Variants in DSP observed in about 807,000 individuals in gnomAD.
DSP encodes desmoplakin.
A neutral mutation model predicts 290.6 loss-of-function variants in DSP; 114 were observed. The ratio of observed to expected loss-of-function variants is 0.39; its 90% CI spans 0.34 to 0.46. The LOEUF is 0.46. Ranked by LOEUF, DSP falls within the 20% of genes least tolerant of loss-of-function variation. DSP has a pLI of 0.99. For synonymous variants in DSP, 1,311 were observed against 1,316.4 expected (o/e 1.00, Z 0.09); for missense variants, 3,230 against 3,495.8 (o/e 0.92, Z 1.92).
chr6:7,578,531 G>A lies in DSP; in HGVS notation c.3053G>A (p.Ser1018Asn). The stretch of plus-strand genomic sequence containing the variant: ...TCTGGAGACTATTACAGGTTCTTAA[G>A]TGAGATGCTGAAGAGTTTGGAAGAT... ...TRSGDYYRFLSEMLKSLEDLK... is the reference protein window; with the variant it reads ...TRSGDYYRFLNEMLKSLEDLK... Residue 1018 changes from serine (S) to asparagine (N), a missense_variant, in exon 22 of 24, where the codon AGT becomes AAT. Coordinates refer to ENST00000379802, the MANE Select transcript of DSP (RefSeq NM_004415.4). 1 of 1,613,766 alleles carries A rather than the reference G, an allele frequency of 6.2e-7. No homozygotes were observed. Among genetic ancestry groups the A allele is most frequent in the Non-Finnish European group, 8.5e-7 (1 of 1,179,864 alleles).
At position 7,586,044 on chromosome 6, in the gene DSP, C is replaced by T. The variant is rs894449424; in HGVS notation, c.*166C>T. The T allele has an allele frequency of 1.7e-5, 12 of 718,046 alleles. No individual in the cohort carries two copies. Among genetic ancestry groups the T allele is most frequent in the Non-Finnish European group, 2.3e-5 (10 of 437,750 alleles). 44.5% of individuals were successfully genotyped at this position (718,046 alleles called of 1,614,324 possible). On this transcript the variant is annotated 3_prime_UTR_variant, in exon 24 of 24. Transcript: ENST00000379802. ...AATCAAATAGTAAAGGCTGTTCTGG[C>T]TTTTTATCTTCTTAGCTCATCTTAA... is the stretch of plus-strand genomic sequence containing the variant.
At chr6:7,573,342 G>A (rs1409799391) in intron 15 of DSP, among the ~76,000 whole-genome samples, 1 of 152,146 alleles carries the variant, frequency 6.6e-6, no homozygotes, top group African/African-American at 2.4e-5. Flanking sequence ...ACTTTGGGAG[G>A]CCGAGGCGGG....
chr6:7,546,707 C>T (rs1027982030), intron 1 of DSP, among the ~76,000 whole-genome samples: 1 of 152,158 alleles, frequency 6.6e-6, no homozygotes, highest in Admixed American at 6.5e-5. Context: ...TGTTGAATTC[C>T]TCAGTCTGCG....
At position 7,583,029 on chromosome 6, in the gene DSP, G is replaced by C. The variant is rs397516948; in HGVS notation, c.5767G>C (p.Glu1923Gln). The part of the protein sequence containing the change: ...CRRKLEDSTR[E>Q]TQSQLETERS... ...GCGTAAGCTGGAGGATTCTACCAGG[G>C]AGACACAGTCACAGTTAGAAACAGA... Residue 1923 changes from glutamate (E) to glutamine (Q), a missense_variant, in exon 24 of 24, where the codon GAG (glutamate) becomes CAG (glutamine). Transcript: ENST00000379802. The surrounding 1 kb of genome is among the most constrained non-coding windows in gnomAD (Gnocchi z 4.0). 6.2e-7 allele frequency: 1 copy of C among 1,614,066 alleles called. No individual in the cohort carries two copies.
At position 7,577,840 on chromosome 6, in the gene DSP, T is replaced by A. The variant is rs1759288696; in HGVS notation, c.2939T>A (p.Ile980Asn). The A allele has an allele frequency of 6.2e-7, 1 of 1,614,094 alleles. No homozygotes were observed. Among genetic ancestry groups the A allele is most frequent in the Non-Finnish European group, 8.5e-7 (1 of 1,180,042 alleles). Residue 980 changes from isoleucine to asparagine, a missense_variant, in exon 21 of 24, where the codon ATC becomes AAC. By Grantham distance (149) the Ile-to-Asn change is moderately radical. Transcript: ENST00000379802. ...SGLETLLNIP[I>N]KRTMIQSPSG... ...CTGGAAACTCTGCTGAACATACCTA[T>A]CAAGAGGACCATGATTCAGTCCCCT...
At chr6:7,574,822 C>T in intron 17 of DSP, 27 bp downstream of exon 17, 1 of 1,614,040 alleles carries the variant, frequency 6.2e-7, no homozygotes, top group African/African-American at 1.3e-5. Flanking sequence ...TAACAGTGGC[C>T]CAACTTACAG....
Position 7,585,724 on chromosome 6 carries a change from C to T in DSP, c.8462C>T (p.Ser2821Leu), listed in dbSNP as rs201826850. ...KGLPSPYNMS[S>L]APGSRSGSRS... ...TTACCCAGCCCTTACAACATGTCTT[C>T]GGCTCCGGGGTCCCGCTCCGGCTCC... Residue 2821 changes from serine to leucine, a missense_variant, in exon 24 of 24, where the codon TCG (serine) becomes TTG (leucine). Coordinates refer to ENST00000379802, the MANE Select transcript of DSP (RefSeq NM_004415.4). 53 of 1,612,286 alleles carry T rather than the reference C, an allele frequency of 3.3e-5. No individual in the cohort carries two copies. The highest frequency in any genetic ancestry group is 8.4e-5 in the Admixed American group (5 of 59,686).
chr6:7,542,719 G>T (rs755004206), intron 1 of DSP, among the ~76,000 whole-genome samples: 1 of 152,214 alleles, frequency 6.6e-6, no homozygotes, highest in Admixed American at 6.5e-5. Context: ...CTTCCCCGCC[G>T]GGGCGGCTGC....
rs139964486 is a variant in DSP at position 7,571,582 on chromosome 6, C to G, written c.1901C>G (p.Thr634Arg). The part of the protein sequence containing the change: ...IQLPGYPQHQ[T>R]VTTTEITHHG... The stretch of plus-strand genomic sequence containing the variant: ...CTCCCTGGCTATCCCCAGCACCAGA[C>G]AGGTCGGCTTGGGACATCTTTCTCT... Residue 634 changes from threonine (T) to arginine (R), a missense_variant and splice_region_variant, in exon 14 of 24, where the codon ACA becomes AGA. This residue lies in a region of DSP where 81 missense variants were observed against 130.5 expected (regional missense o/e 0.62). Transcript: ENST00000379802. The G allele has an allele frequency of 6.2e-7, 1 of 1,614,046 alleles. No individual in the cohort carries two copies. Among genetic ancestry groups the G allele is most frequent in the African/African-American group, 1.3e-5 (1 of 74,928 alleles).
rs761203073 is a variant in DSP, at chr6:7,580,793, C to T, written c.4603C>T (p.Leu1535=). The T allele has an allele frequency of 1.9e-6, 3 of 1,614,166 alleles. No homozygotes were observed. In the South Asian group the frequency reaches 3.3e-5, roughly 18 times the overall value. ...INKLKVQEQE[L]TRLRIDYERV... The stretch of plus-strand genomic sequence containing the variant: ...CAAACTGAAGGTTCAGGAGCAAGAA[C>T]TGACACGCCTGAGGATCGACTATGA... Residue 1535 remains leucine, a synonymous_variant, in exon 23 of 24, where the codon CTG becomes TTG. Coordinates refer to ENST00000379802, the MANE Select transcript of DSP (RefSeq NM_004415.4). The surrounding 1 kb of genome is among the most constrained non-coding windows in gnomAD (Gnocchi z 4.2).
Position 7,566,358 on chromosome 6 carries a change from C to A in DSP, c.940-19C>A. The A allele has an allele frequency of 6.2e-7, 1 of 1,600,250 alleles. No individual in the cohort carries two copies. The highest frequency in any genetic ancestry group is 1.3e-5 in the African/African-American group (1 of 74,796). ...AATGATGACTTGCTGCAAAGGATTT[C>A]TTATTTCTTCATTCACAGATACGCA... On this transcript the variant is annotated intron_variant, in intron 7 of 23. Coordinates refer to ENST00000379802, the MANE Select transcript of DSP (RefSeq NM_004415.4).
intron 23 of DSP, 108 bp downstream of exon 23, chr6:7,581,677 T>C (rs995972479): frequency 1.4e-6 from 2 of 1,480,990 alleles, no homozygotes; most frequent in Non-Finnish European, 1.8e-6. Context: ...TTATAGAAAA[T>C]CTAATTTTTC....
intron 10 of DSP, 78 bp downstream of exon 10, chr6:7,567,984 C>T (rs1758915770): frequency 6.3e-7 from 1 of 1,587,234 alleles, no homozygotes; most frequent in Non-Finnish European, 8.6e-7. Flanking sequence ...GCAGTTGGCT[C>T]TGATTAGTAT....
intron 12 of DSP, 100 bp from the exon 13 acceptor site, chr6:7,570,337 T>G: frequency 1.3e-6 from 2 of 1,546,950 alleles, no homozygotes; most frequent in Non-Finnish European, 1.8e-6. Flanking sequence ...TCAGTGACTG[T>G]TGTAGGTTTT....
intron 3 of DSP, among the ~76,000 whole-genome samples, chr6:7,558,507 CTTT>C (rs145193988): frequency 0.1 from 10,798 of 103,220 alleles, 200 homozygotes; most frequent in Middle Eastern, 0.15. Context: ...TGGCATTTGA[CTTT>C]TTTTTTTTTT....
chr6:7,558,098 G>A lies in DSP; in HGVS notation c.274-18G>A. On this transcript the variant is annotated intron_variant, in intron 2 of 23. Coordinates refer to ENST00000379802, the MANE Select transcript of DSP (RefSeq NM_004415.4). ...CCTGGTAGTATGTGTTTTCCTTCAT[G>A]TGAGTGTTTTCTTTCAGGAATTGAA... 6.2e-7 allele frequency: 1 copy of A among 1,614,204 alleles called. No individual in the cohort carries two copies. The highest frequency in any genetic ancestry group is 8.5e-7 in the Non-Finnish European group (1 of 1,180,002).
At position 7,574,149 on chromosome 6, in the gene DSP, A is replaced by G. The variant is rs746785505; in HGVS notation, c.2194A>G (p.Asn732Asp). The change falls in exon 16 of 24, where the codon AAC becomes GAC. Residue 732 changes from asparagine to aspartate, a missense_variant. Coordinates refer to ENST00000379802, the MANE Select transcript of DSP (RefSeq NM_004415.4). ...VLNQLKDMLA[N>D]FRGSEKYCYL... ...CAACCAGCTTAAAGATATGCTTGCCAACTTCAGAGGTTCTGAAAAGTACTG... is the reference window on the plus strand; with the variant it reads ...CAACCAGCTTAAAGATATGCTTGCCGACTTCAGAGGTTCTGAAAAGTACTG... 1.2e-5 allele frequency: 20 copies of G among 1,614,036 alleles called. No homozygotes were observed. The Admixed American group carries it at 3.3e-4, about 27-fold the overall frequency.
intron 8 of DSP, 115 bp from the exon 9 acceptor site, chr6:7,567,239 C>T: frequency 1.2e-6 from 1 of 850,750 alleles, no homozygotes; most frequent in Non-Finnish European, 2.0e-6. Context: ...ATCTGCTTGA[C>T]TTAGAATGAG....
In DSP at chr6:7,581,008, G is replaced by A; in HGVS notation, c.4818G>A (p.Lys1606=). 1 of 1,614,058 alleles carries A rather than the reference G, an allele frequency of 6.2e-7. No homozygotes were observed. The highest frequency in any genetic ancestry group is 8.5e-7 in the Non-Finnish European group (1 of 1,180,028). ...EELEGMRRSL[K]EQAIKITNLT... ...TGGAAGGCATGAGGAGGTCGCTGAA[G>A]GAGCAAGCCATCAAAATCACCAACC... Residue 1606 remains lysine, a synonymous_variant, in exon 23 of 24, where the codon AAG becomes AAA. Transcript: ENST00000379802.
Sources: gnomAD v4.1 joint callset for allele counts (sites outside exome capture counted in the v4.1 genomes callset) on GRCh38, gnomAD v4.1.1 for gene constraint, gnomAD v4.1.1 regional missense constraint, Gnocchi (gnomAD v3.1) non-coding constraint, MANE v1.5 for transcripts, NCBI Gene and HGNC (gene_info 2026-07-23, HGNC 2026-07-21) for gene names.